APBA1: variants seen among roughly 807,000 people sequenced by gnomAD.
APBA1 encodes the protein amyloid-beta A4 precursor protein-binding family A member 1.
Under a neutral mutation model 86.6 loss-of-function variants are expected in APBA1, and 55 were observed. That is an observed-to-expected ratio of 0.64 (90% CI 0.51 to 0.80). The LOEUF is 0.80. Ranked by LOEUF, APBA1 falls within the 30% of genes least tolerant of loss-of-function variation. The pLI, the probability that APBA1 is intolerant of heterozygous loss-of-function variation, is 0.00. For missense variants in APBA1, 1,090 were observed against 1,183.0 expected (o/e 0.92, Z 1.15); for synonymous variants, 511 against 493.9 (o/e 1.03, Z -0.46).
intron 1 of APBA1, among the ~76,000 whole-genome samples, chr9:69,539,421 T>C (rs1032256144): frequency 2.0e-5 from 3 of 152,206 alleles, no homozygotes; most frequent in African/African-American, 4.8e-5. Flanking sequence ...CTTTTTTTCA[T>C]ACCCTATATC....
At chr9:69,450,675 C>CA (rs1834992031) in intron 9 of APBA1, among the ~76,000 whole-genome samples, 1 of 152,190 alleles carries the variant, frequency 6.6e-6, no homozygotes, top group Non-Finnish European at 1.5e-5. Flanking sequence ...TACCAACCCC[C>CA]AGTGCCTTTG....
At chr9:69,582,379 G>C (rs771521941) in intron 1 of APBA1, among the ~76,000 whole-genome samples, 1 of 152,116 alleles carries the variant, frequency 6.6e-6, no homozygotes, top group Non-Finnish European at 1.5e-5. Context: ...GGGACGGGTC[G>C]CTTTCTCCAC....
At chr9:69,546,156 TG>T (rs1836694235) in intron 1 of APBA1, among the ~76,000 whole-genome samples, 1 of 152,208 alleles carries the variant, frequency 6.6e-6, no homozygotes, top group Non-Finnish European at 1.5e-5. Flanking sequence ...GGGTATCATT[TG>T]TATTTTTTGG....
At chr9:69,599,230 T>A (rs1019286592) in intron 1 of APBA1, among the ~76,000 whole-genome samples, 1 of 152,250 alleles carries the variant, frequency 6.6e-6, no homozygotes, top group Admixed American at 6.5e-5. Flanking sequence ...ACCGCAATTT[T>A]AAAAACTAGT....
At chr9:69,568,344 T>C (rs1371225661) in intron 1 of APBA1, among the ~76,000 whole-genome samples, 1 of 152,236 alleles carries the variant, frequency 6.6e-6, no homozygotes, top group East Asian at 1.9e-4. Flanking sequence ...CCTTTGAAAA[T>C]TTAAATTTGA....
At chr9:69,658,274 T>TTCTCTC (rs1491574165) in intron 1 of APBA1, among the ~76,000 whole-genome samples, 7 of 68,310 alleles carry the variant, frequency 1.0e-4, no homozygotes, top group African/African-American at 3.4e-4. Flanking sequence ...CTTTCTTTCT[T>TTCTCTC]TCTTTCTTTC....
chr9:69,521,294 C>T (rs1018668188), intron 1 of APBA1, among the ~76,000 whole-genome samples: 6 of 152,162 alleles, frequency 3.9e-5, no homozygotes, highest in African/African-American at 9.7e-5. Flanking sequence ...CACTTCATCC[C>T]GCACCCTGCA....
At chr9:69,565,975 G>T (rs1375351612) in intron 1 of APBA1, among the ~76,000 whole-genome samples, 2 of 152,120 alleles carry the variant, frequency 1.3e-5, no homozygotes, top group Non-Finnish European at 2.9e-5. Context: ...GCCTGCTCAG[G>T]CCCCACCGAC....
intron 1 of APBA1, among the ~76,000 whole-genome samples, chr9:69,581,602 C>T (rs1051503842): frequency 2.0e-5 from 3 of 152,090 alleles, no homozygotes; most frequent in East Asian, 1.9e-4. Context: ...AGAACAGTAT[C>T]GGCACACAGT....
chr9:69,500,189 G>A (rs1408783214), intron 2 of APBA1, among the ~76,000 whole-genome samples: 1 of 152,048 alleles, frequency 6.6e-6, no homozygotes, highest in Non-Finnish European at 1.5e-5. Flanking sequence ...TGAATGCTGA[G>A]GACAGCAGAA....
intron 2 of APBA1, among the ~76,000 whole-genome samples, chr9:69,511,808 T>A (rs1406740673): frequency 2.0e-5 from 3 of 151,390 alleles, no homozygotes; most frequent in African/African-American, 4.9e-5. Context: ...TCATTCTCAG[T>A]AAACTATCGC....
Position 69,467,872 on chromosome 9 carries a change from G to T in APBA1, c.1433C>A (p.Ser478Tyr). The change falls in exon 5 of 13, where the codon TCC becomes TAC. Residue 478 changes from serine (S) to tyrosine (Y), a missense_variant. Coordinates refer to ENST00000265381, the MANE Select transcript of APBA1 (RefSeq NM_001163.4). ...GGCCTGCATCATGCGCACGTTTTTGGAAGGAGTTTTGTCTGAGAGCAGCTG... is the reference window on the plus strand; with the variant it reads ...GGCCTGCATCATGCGCACGTTTTTGTAAGGAGTTTTGTCTGAGAGCAGCTG... ...STQLLSDKTP[S>Y]KNVRMMQAQE... 1 of 1,614,168 alleles carries T rather than the reference G, an allele frequency of 6.2e-7. No homozygotes were observed. The highest frequency in any genetic ancestry group is 8.5e-7 in the Non-Finnish European group (1 of 1,180,032).
At chr9:69,490,155 A>G (rs1835682884) in intron 2 of APBA1, among the ~76,000 whole-genome samples, 1 of 152,094 alleles carries the variant, frequency 6.6e-6, no homozygotes, top group African/African-American at 2.4e-5. Flanking sequence ...ATAAAAAATG[A>G]TGAGTTCATG....
chr9:69,658,314 CTTTCTTTCTT>C (rs1823674928), intron 1 of APBA1, among the ~76,000 whole-genome samples: 6 of 81,222 alleles, frequency 7.4e-5, no homozygotes, highest in Admixed American at 1.2e-4. Context: ...CTCTTTCTTT[CTTTCTTTCTT>C]TCTTTCTTTC....
At chr9:69,466,473 C>A (rs956196009) in intron 5 of APBA1, among the ~76,000 whole-genome samples, 2 of 152,216 alleles carry the variant, frequency 1.3e-5, no homozygotes, top group Non-Finnish European at 2.9e-5. Context: ...ACCTCTCAGG[C>A]AGAAGGCAGT....
intron 5 of APBA1, chr9:69,460,747 T>G (rs1835178989): frequency 6.6e-6 from 1 of 152,040 alleles, no homozygotes; most frequent in Non-Finnish European, 1.5e-5. Flanking sequence ...TTTTTTTTTT[T>G]GAGACAGAGT....
chr9:69,664,101 A>T (rs1156647560), intron 1 of APBA1, among the ~76,000 whole-genome samples: 1 of 152,214 alleles, frequency 6.6e-6, no homozygotes, highest in Non-Finnish European at 1.5e-5. Flanking sequence ...TGTGTTTCAG[A>T]GGTTACTTAA....
chr9:69,489,607 T>C (rs996385489), intron 2 of APBA1, among the ~76,000 whole-genome samples: 3 of 151,932 alleles, frequency 2.0e-5, no homozygotes, highest in African/African-American at 7.3e-5. Context: ...GAATCTACAA[T>C]GAACTCAAAC....
rs545390996 is a variant in APBA1, at chr9:69,456,942, G to C, written c.1602+111C>G. 8.8e-4 allele frequency: 800 copies of C among 913,816 alleles called. 4 individuals carry two copies. The highest frequency in any genetic ancestry group is 8.5e-3 in the Middle Eastern group (30 of 3,540). 56.6% of individuals were successfully genotyped at this position (913,816 alleles called of 1,614,324 possible). A position where few individuals can be genotyped will look rare whatever the true frequency, so the allele number is the denominator to read the frequency against. On this transcript the variant is annotated intron_variant, in intron 7 of 12. Transcript: ENST00000265381. ...CCACCTTCTAGCTCACTGGGGCCCAGAATCTAGGGACAGCTGCTCTACAGA... is the reference window on the plus strand; with the variant it reads ...CCACCTTCTAGCTCACTGGGGCCCACAATCTAGGGACAGCTGCTCTACAGA...
Sources: gnomAD v4.1 joint callset for allele counts (sites outside exome capture counted in the v4.1 genomes callset) on GRCh38, gnomAD v4.1.1 for gene constraint, MANE v1.5 for transcripts, NCBI Gene and HGNC (gene_info 2026-07-23, HGNC 2026-07-21) for gene names.